Variants in MATN2 observed in about 807,000 individuals in gnomAD.
MATN2 encodes the protein matrilin-2.
Under a neutral mutation model 103.2 loss-of-function variants are expected in MATN2, and 69 were observed. The ratio of observed to expected loss-of-function variants is 0.67; its 90% CI spans 0.55 to 0.82. The LOEUF (loss-of-function observed/expected upper bound fraction) is 0.82. MATN2 is among the 40% of genes least tolerant of loss of function. The probability of loss-of-function intolerance (pLI) is 0.00; values close to 1 mark genes in which losing one functional copy is unlikely to be tolerated. For missense variants in MATN2, 1,023 were observed against 1,211.5 expected (o/e 0.84, Z 2.31); for synonymous variants, 429 against 450.2 (o/e 0.95, Z 0.60).
At position 98,008,355 on chromosome 8, in the gene MATN2, T is replaced by A. The variant is rs143440098; in HGVS notation, c.1573+754T>A. ...ATAAAGAATCGAAATATGGTCATTT[T>A]GAGAGAAGGAATCAGAAATGAAAGA... On this transcript the variant is annotated intron_variant, in intron 10 of 18. Coordinates refer to ENST00000254898, the MANE Select transcript of MATN2 (RefSeq NM_002380.5). Among the ~76,000 whole-genome samples, 545 of 152,304 alleles carry A rather than the reference T, an allele frequency of 3.6e-3. 4 individuals carry two copies. Among genetic ancestry groups the A allele is most frequent in the African/African-American group, 0.012 (510 of 41,584 alleles).
At chr8:98,011,022 G>A (rs577188183) in intron 10 of MATN2, among the ~76,000 whole-genome samples, 1 of 152,336 alleles carries the variant, frequency 6.6e-6, no homozygotes, top group Admixed American at 6.5e-5. Flanking sequence ...CACAGTTCTG[G>A]AGGCTGGAAG....
chr8:97,988,189 T>TATATATATATAC (rs71570279), intron 6 of MATN2, among the ~76,000 whole-genome samples: 47 of 54,930 alleles, frequency 8.6e-4, no homozygotes, highest in African/African-American at 3.0e-3. Flanking sequence ...TATATATATA[T>TATATATATATAC]ACACACACAC....
intron 1 of MATN2, among the ~76,000 whole-genome samples, chr8:97,884,756 G>T (rs990147601): frequency 2.1e-4 from 32 of 152,116 alleles, no homozygotes; most frequent in African/African-American, 7.5e-4. Flanking sequence ...GGGCGACAGC[G>T]AGACTCTGTC....
intron 2 of MATN2, among the ~76,000 whole-genome samples, chr8:97,920,440 T>A (rs1809774581): frequency 6.6e-6 from 1 of 152,178 alleles, no homozygotes; most frequent in African/African-American, 2.4e-5. Context: ...ACTCCTGACC[T>A]CAGATGATCT....
chr8:98,003,827 C>T (rs751011801), intron 8 of MATN2, 44 bp downstream of exon 8: 41 of 1,609,586 alleles, frequency 2.5e-5, no homozygotes, highest in Admixed American at 3.3e-5. Context: ...AGGTGGGGTC[C>T]ACTCATGGGG....
chr8:98,014,355 C>A (rs1813286032), intron 10 of MATN2, among the ~76,000 whole-genome samples: 1 of 152,204 alleles, frequency 6.6e-6, no homozygotes, highest in African/African-American at 2.4e-5. Flanking sequence ...GATCACTCAA[C>A]TCTACTTTCC....
At chr8:98,030,132 A>G (rs1353475973) in intron 14 of MATN2, among the ~76,000 whole-genome samples, 1 of 152,196 alleles carries the variant, frequency 6.6e-6, no homozygotes, top group Non-Finnish European at 1.5e-5. Flanking sequence ...CCCATTTAGC[A>G]AGCCATAAAA....
At chr8:97,981,020 G>GTT (rs138595230) in intron 6 of MATN2, among the ~76,000 whole-genome samples, 7 of 148,348 alleles carry the variant, frequency 4.7e-5, no homozygotes, top group South Asian at 2.2e-4. Context: ...TACAAAAACT[G>GTT]TTTTTTTTTT....
intron 12 of MATN2, among the ~76,000 whole-genome samples, chr8:98,018,992 C>A (rs1026409952): frequency 2.0e-5 from 3 of 150,652 alleles, no homozygotes; most frequent in Admixed American, 6.6e-5. Context: ...GAGAAACAGA[C>A]CTTCTCTATG....
At chr8:98,022,735 A>C (rs1813647234) in intron 13 of MATN2, among the ~76,000 whole-genome samples, 1 of 151,756 alleles carries the variant, frequency 6.6e-6, no homozygotes. Flanking sequence ...CATAAGCTTC[A>C]GCTCAGACAG....
chr8:97,972,238 T>G (rs1304875821), intron 5 of MATN2, among the ~76,000 whole-genome samples: 1 of 150,088 alleles, frequency 6.7e-6, no homozygotes, highest in Non-Finnish European at 1.5e-5. Flanking sequence ...CTTGGGAGGC[T>G]GAGGTGGGAG....
rs1388828626 is a variant in MATN2 at position 98,005,373 on chromosome 8, ATCCTGCCTGT to A, written c.1327+1592_1327+1601del. Among the ~76,000 whole-genome samples, 2 of 152,082 alleles carry A rather than the reference ATCCTGCCTGT, an allele frequency of 1.3e-5. No homozygotes were observed. Among genetic ancestry groups the A allele is most frequent in the Non-Finnish European group, 2.9e-5 (2 of 67,998 alleles). The stretch of plus-strand genomic sequence containing the variant: ...CCCTGGTGACCATGGATCTGTGTGT[ATCCTGCCTGT>A]TTCCCGGAGTGTCAGGTCTGCCAGC... On this transcript the variant is annotated intron_variant, in intron 8 of 18. Coordinates refer to ENST00000254898, the MANE Select transcript of MATN2 (RefSeq NM_002380.5). The surrounding 1 kb of genome is among the most constrained non-coding windows in gnomAD (Gnocchi z 4.6).
chr8:98,036,571 C>T lies in MATN2; in HGVS notation c.*859C>T, dbSNP rs554884135. 6.6e-6 allele frequency: 1 copy of T among 152,154 alleles called. No individual in the cohort carries two copies. The highest frequency in any genetic ancestry group is 6.6e-5 in the Admixed American group (1 of 15,266). The allele number at this position is 152,154 out of a possible 1,614,324, so 9.4% of individuals were successfully genotyped here. On this transcript the variant is annotated 3_prime_UTR_variant, in exon 19 of 19. Coordinates refer to ENST00000254898, the MANE Select transcript of MATN2 (RefSeq NM_002380.5). ...CAAAGAGACCTGCATAAGAATGTTA[C>T]TAGGCTTTGTAAAAGCAAAAAATAA...
chr8:97,925,366 T>C (rs1463251854), intron 2 of MATN2, among the ~76,000 whole-genome samples: 3 of 152,070 alleles, frequency 2.0e-5, no homozygotes, highest in East Asian at 3.8e-4. Context: ...TATAGAAGCA[T>C]GGAGTCATTC....
intron 1 of MATN2, among the ~76,000 whole-genome samples, chr8:97,883,790 G>A (rs977219085): frequency 2.6e-5 from 4 of 152,022 alleles, no homozygotes; most frequent in African/African-American, 9.7e-5. Context: ...TCCTGACCTC[G>A]TGATCTGCCC....
rs375792756 is a variant in MATN2, at chr8:98,030,487, A to C, written c.2382A>C (p.Val794=). 6.2e-7 allele frequency: 1 copy of C among 1,613,774 alleles called. No homozygotes were observed. Among genetic ancestry groups the C allele is most frequent in the East Asian group, 2.2e-5 (1 of 44,868 alleles). ...GTATCACTATGTATGCTGTTGGGGTAGGAAAAGCCATTGAGGAGGAACTAC... is the reference window on the plus strand; with the variant it reads ...GTATCACTATGTATGCTGTTGGGGTCGGAAAAGCCATTGAGGAGGAACTAC... ...ANGITMYAVG[V]GKAIEEELQE... is the part of the protein sequence containing the mutation. The change falls in exon 15 of 19, where the codon GTA becomes GTC. Residue 794 remains valine, a synonymous_variant. Coordinates refer to ENST00000254898, the MANE Select transcript of MATN2 (RefSeq NM_002380.5).
At chr8:97,933,847 C>G (rs768348090) in intron 3 of MATN2, among the ~76,000 whole-genome samples, 5 of 152,094 alleles carry the variant, frequency 3.3e-5, no homozygotes, top group Non-Finnish European at 7.3e-5. Context: ...TGAAGAGGCC[C>G]CAGGGCCTCT....
chr8:97,933,079 C>T (rs1810251776), intron 3 of MATN2, among the ~76,000 whole-genome samples: 1 of 152,166 alleles, frequency 6.6e-6, no homozygotes, highest in Non-Finnish European at 1.5e-5. Flanking sequence ...TGAGAACTAA[C>T]TTCAAAAAGC....
intron 5 of MATN2, among the ~76,000 whole-genome samples, chr8:97,968,711 A>G (rs898523279): frequency 4.6e-5 from 7 of 152,212 alleles, no homozygotes; most frequent in African/African-American, 1.4e-4. Flanking sequence ...TTTACTGTCC[A>G]TATCTATTAG....
Sources: gnomAD v4.1 joint callset for allele counts (sites outside exome capture counted in the v4.1 genomes callset) on GRCh38, gnomAD v4.1.1 for gene constraint, Gnocchi (gnomAD v3.1) non-coding constraint, MANE v1.5 for transcripts, NCBI Gene and HGNC (gene_info 2026-07-23, HGNC 2026-07-21) for gene names.